Variants in UNC5CL observed in about 807,000 individuals in gnomAD.
UNC5CL encodes the protein unc-5 family C-terminal like.
Under a neutral mutation model 54.1 loss-of-function variants are expected in UNC5CL, and 42 were observed. That is an observed-to-expected ratio of 0.78 (90% CI 0.61 to 1.00). The LOEUF (loss-of-function observed/expected upper bound fraction) is 1.00, where lower values mean the gene tolerates loss of function less well. Ranked by LOEUF, UNC5CL falls within the 50% of genes least tolerant of loss-of-function variation. UNC5CL has a pLI of 0.00. For missense variants in UNC5CL, 619 were observed against 675.6 expected, an observed-to-expected ratio of 0.92 and a Z score of 0.93; for synonymous variants, 285 against 285.1, an observed-to-expected ratio of 1.00 and a Z score of 0.00.
chr6:41,032,025 T>C lies in UNC5CL; in HGVS notation c.1051+11A>G. On this transcript the variant is annotated intron_variant, in intron 5 of 8. Coordinates refer to ENST00000244565, the MANE Select transcript of UNC5CL (RefSeq NM_173561.3). ...AGAGGGGAGGAGGTACACACAGGGC[T>C]CCCGGACTACCTGCTTTTCTCCGGA... 1 of 1,613,682 alleles carries C rather than the reference T, an allele frequency of 6.2e-7. No homozygotes were observed. The highest frequency in any genetic ancestry group is 1.3e-5 in the African/African-American group (1 of 75,002).
Position 41,030,742 on chromosome 6 carries a change from T to C in UNC5CL, c.1133A>G (p.Lys378Arg), listed in dbSNP as rs138535997. ...MHTFQDGLET[K>R]YMEILRFQAS... is the part of the protein sequence containing the mutation. ...CTGGAATCTGAGGATTTCCATATAC[T>C]TGGTCTCCAAGCCCTGAGTCAACAC... Residue 378 changes from lysine to arginine, a missense_variant, in exon 7 of 9, where the codon AAG becomes AGG. Transcript: ENST00000244565. The C allele has an allele frequency of 7.6e-5, 122 of 1,613,974 alleles. No individual in the cohort carries two copies. In the African/African-American group the frequency reaches 1.3e-3, roughly 17 times the overall value.
Position 41,029,104 on chromosome 6 carries a change from G to A in UNC5CL, c.1335-509C>T, listed in dbSNP as rs150469140. On this transcript the variant is annotated intron_variant, in intron 8 of 8. Transcript: ENST00000244565. The surrounding 1 kb of genome is among the most constrained non-coding windows in gnomAD (Gnocchi z 4.1). The stretch of plus-strand genomic sequence containing the variant: ...GTCTCTCACCTCCTAACCAGCCCAC[G>A]CTCCATGAGCCTTTCTGGCTCATCC... 1.3e-5 allele frequency among the ~76,000 whole-genome samples: 2 copies of A among 152,074 alleles called. No individual in the cohort carries two copies. The highest frequency in any genetic ancestry group is 1.9e-4 in the East Asian group (1 of 5,162).
In UNC5CL at chr6:41,035,113, C is replaced by T. The variant is rs1291543161; in HGVS notation, c.-39G>A. 4 of 1,520,046 alleles carry T rather than the reference C, an allele frequency of 2.6e-6. No individual in the cohort carries two copies. The African/African-American group carries it at 5.5e-5, about 21-fold the overall frequency. The allele number at this position is 1,520,046 out of a possible 1,614,324, so 94.2% of individuals were successfully genotyped here. ...CAATGCCGCTGGCTCTCCTTCACCC[C>T]TGTGCCAGCCAAAGCCAAAGGCCTG... is the stretch of plus-strand genomic sequence containing the variant. On this transcript the variant is annotated 5_prime_UTR_variant, in exon 2 of 9. Transcript: ENST00000244565.
At chr6:41,034,398 G>A (rs1377965905) in intron 2 of UNC5CL, among the ~76,000 whole-genome samples, 1 of 152,196 alleles carries the variant, frequency 6.6e-6, no homozygotes, top group Non-Finnish European at 1.5e-5. Flanking sequence ...CCAGGCTGCT[G>A]CTAGCCCATA....
Position 41,034,067 on chromosome 6 carries a change from C to A in UNC5CL, c.500G>T (p.Gly167Val). The A allele has an allele frequency of 6.2e-7, 1 of 1,614,160 alleles. No homozygotes were observed. Among genetic ancestry groups the A allele is most frequent in the Non-Finnish European group, 8.5e-7 (1 of 1,180,002 alleles). The change falls in exon 3 of 9, where the codon GGC becomes GTC. Residue 167 changes from glycine (G) to valine (V), a missense_variant. Transcript: ENST00000244565. ...QGLVSPVVAC[G>V]PHGASFLKPC... ...CTTCAGGAAGGAGGCCCCATGGGGG[C>A]CACATGCCACCACAGGGCTTACCAG...
intron 6 of UNC5CL, among the ~76,000 whole-genome samples, chr6:41,031,367 A>T (rs1747172499): frequency 6.6e-6 from 1 of 152,202 alleles, no homozygotes; most frequent in Non-Finnish European, 1.5e-5. Context: ...AAATGTAGAC[A>T]ATCAGCCTAG....
chr6:41,034,124 G>C lies in UNC5CL; in HGVS notation c.443C>G (p.Ser148Trp). ...RVSLILVWDLSDAPSLSQAQG... is the reference protein window; with the variant it reads ...RVSLILVWDLWDAPSLSQAQG... Reference sequence around the variant, plus strand: ...GGCTTGGGACAGCGATGGGGCGTCCGACAGGTCCCACACCAGGATCAAAGA... The same window carrying C: ...GGCTTGGGACAGCGATGGGGCGTCCCACAGGTCCCACACCAGGATCAAAGA... The change falls in exon 3 of 9, where the codon TCG becomes TGG. Residue 148 changes from serine (S) to tryptophan (W), a missense_variant. By Grantham distance (177) the Ser-to-Trp change is radical. Transcript: ENST00000244565. The C allele has an allele frequency of 6.2e-7, 1 of 1,613,908 alleles. No individual in the cohort carries two copies. Among genetic ancestry groups the C allele is most frequent in the Non-Finnish European group, 8.5e-7 (1 of 1,179,928 alleles).
At chr6:41,037,258 G>A (rs1441177502) in intron 1 of UNC5CL, among the ~76,000 whole-genome samples, 1 of 152,122 alleles carries the variant, frequency 6.6e-6, no homozygotes, top group Non-Finnish European at 1.5e-5. Flanking sequence ...GCTGTGTATC[G>A]GACACTGTGG....
rs145959081 is a variant in UNC5CL, at chr6:41,030,718, T to C, written c.1157A>G (p.Gln386Arg). 5 of 1,614,064 alleles carry C rather than the reference T, an allele frequency of 3.1e-6. No homozygotes were observed. The highest frequency in any genetic ancestry group is 4.2e-6 in the Non-Finnish European group (5 of 1,179,996). The change falls in exon 7 of 9, where the codon CAG (glutamine) becomes CGG (arginine). Residue 386 changes from glutamine to arginine, a missense_variant. By Grantham distance (43) the Gln-to-Arg change is conservative. Coordinates refer to ENST00000244565, the MANE Select transcript of UNC5CL (RefSeq NM_173561.3). ...ETKYMEILRF[Q>R]ASEEESWAAP... ...TGCCCAGGATTCCTCCTCTGATGCC[T>C]GGAATCTGAGGATTTCCATATACTT...
At chr6:41,037,964 C>T (rs553613987) in intron 1 of UNC5CL, among the ~76,000 whole-genome samples, 11 of 152,288 alleles carry the variant, frequency 7.2e-5, no homozygotes, top group East Asian at 5.8e-4. Context: ...GCCTTAGGAG[C>T]GAGGTGTTAT....
chr6:41,033,020 G>A lies in UNC5CL; in HGVS notation c.813C>T (p.Asn271=). ...SHLQLRIYFL[N]NTPCALQWAL... ...CCCACTGCAGGGCGCAGGGCGTGTT[G>A]TTGAGGAAGTAGATACGCAGTTGCA... The change falls in exon 4 of 9, where the codon AAC becomes AAT. Residue 271 remains asparagine, a synonymous_variant. Transcript: ENST00000244565. 6.2e-7 allele frequency: 1 copy of A among 1,609,400 alleles called. No homozygotes were observed. The highest frequency in any genetic ancestry group is 8.5e-7 in the Non-Finnish European group (1 of 1,177,886).
rs750541079 is a variant in UNC5CL at position 41,028,586 on chromosome 6, G to A, written c.1344C>T (p.Ser448=). Reference sequence around the variant, plus strand: ...TGGCCGCTGCGGGGCTGCGCTGGCAGGACAGGAACCTGGCCCGAGGTAGGG... The same window carrying A: ...TGGCCGCTGCGGGGCTGCGCTGGCAAGACAGGAACCTGGCCCGAGGTAGGG... The part of the protein sequence containing the change: ...GLCGMKIRFL[S]CQRSPAAAIL... Residue 448 remains serine (S), a synonymous_variant, in exon 9 of 9, where the codon TCC becomes TCT. Transcript: ENST00000244565. The surrounding 1 kb of genome is among the most constrained non-coding windows in gnomAD (Gnocchi z 4.3). The A allele has an allele frequency of 6.2e-7, 1 of 1,613,152 alleles. No individual in the cohort carries two copies. Among genetic ancestry groups the A allele is most frequent in the Admixed American group, 1.7e-5 (1 of 60,012 alleles).
rs1351630670 is a variant in UNC5CL at position 41,028,548 on chromosome 6, A to G, written c.1382T>C (p.Phe461Ser). 7.4e-6 allele frequency: 12 copies of G among 1,613,750 alleles called. No homozygotes were observed. Among genetic ancestry groups the G allele is most frequent in the African/African-American group, 1.3e-5 (1 of 75,040 alleles). ...RSPAAAILEL[F>S]EEQNGSLQEL... ...CTGCAGGCTGCCGTTCTGCTCCTCAAACAACTCCAGGATGGCCGCTGCGGG... is the reference window on the plus strand; with the variant it reads ...CTGCAGGCTGCCGTTCTGCTCCTCAGACAACTCCAGGATGGCCGCTGCGGG... The change falls in exon 9 of 9, where the codon TTT becomes TCT. Residue 461 changes from phenylalanine (F) to serine (S), a missense_variant. By Grantham distance (155) the Phe-to-Ser change is radical. Transcript: ENST00000244565. The surrounding 1 kb of genome is among the most constrained non-coding windows in gnomAD (Gnocchi z 4.3).
In UNC5CL at chr6:41,030,380, C is replaced by T. The variant is rs376385918; in HGVS notation, c.1334+8G>A. On this transcript the variant is annotated splice_region_variant and intron_variant, in intron 8 of 8. Transcript: ENST00000244565. ...TCTACCATCCACAGACCTCACCCCT[C>T]TTCCTACCGGATCTTCATGCCGCAA... is the stretch of plus-strand genomic sequence containing the variant. 6.2e-7 allele frequency: 1 copy of T among 1,613,936 alleles called. No homozygotes were observed. The highest frequency in any genetic ancestry group is 1.1e-5 in the South Asian group (1 of 91,078).
chr6:41,031,577 C>T (rs760650895), intron 6 of UNC5CL, 104 bp downstream of exon 6: 6 of 1,140,524 alleles, frequency 5.3e-6, no homozygotes, highest in South Asian at 1.2e-5. Context: ...CCATCTTTAC[C>T]TATGTGATTA....
Position 41,033,956 on chromosome 6 carries a change from T to A in UNC5CL, c.611A>T (p.Lys204Met). 6.2e-7 allele frequency: 1 copy of A among 1,614,084 alleles called. No homozygotes were observed. Among genetic ancestry groups the A allele is most frequent in the Admixed American group, 1.7e-5 (1 of 60,016 alleles). Residue 204 changes from lysine (K) to methionine (M), a missense_variant, in exon 3 of 9, where the codon AAG becomes ATG. By Grantham distance (95) the Lys-to-Met change is moderately conservative. Coordinates refer to ENST00000244565, the MANE Select transcript of UNC5CL (RefSeq NM_173561.3). ...YSSNTTLLDA[K>M]VWRPLGRPGA... ...CGGCCGCCCCAGGGGCCTCCATACC[T>A]TGGCATCCAGCAGGGTAGTGTTGCT...
chr6:41,030,527 G>A (rs1286487283), intron 7 of UNC5CL, 26 bp from the exon 8 acceptor site: 5 of 1,613,414 alleles, frequency 3.1e-6, no homozygotes, highest in Middle Eastern at 1.6e-4. Context: ...GGGTGTTCTT[G>A]GAAGAAAGGG....
At position 41,035,170 on chromosome 6, in the gene UNC5CL, C is replaced by A. The variant is rs1279167710; in HGVS notation, c.-61-35G>T. On this transcript the variant is annotated intron_variant, in intron 1 of 8. Transcript: ENST00000244565. ...AAGAAGGGGTCAGTGTCAGGGTAAG[C>A]CCTTTTAAGTTGTGGAGGTCAAGGC... The A allele has an allele frequency of 1.6e-5, 24 of 1,469,090 alleles. No homozygotes were observed. The East Asian group carries it at 5.3e-4, about 33-fold the overall frequency. 91.0% of individuals were successfully genotyped at this position (1,469,090 alleles called of 1,614,324 possible).
At chr6:41,031,944 G>A (rs1223526886) in intron 5 of UNC5CL, 92 bp downstream of exon 5, 4 of 1,351,918 alleles carry the variant, frequency 3.0e-6, no homozygotes, top group Non-Finnish European at 3.2e-6. Flanking sequence ...CTGCATGGGG[G>A]TCTGCAGAGC....
Sources: allele counts gnomAD v4.1 joint callset (sites outside exome capture counted in the v4.1 genomes callset), GRCh38; gene constraint gnomAD v4.1.1; non-coding constraint Gnocchi (gnomAD v3.1); transcripts MANE v1.5; gene names NCBI Gene and HGNC (gene_info 2026-07-23, HGNC 2026-07-21).